Variants in OTOF observed in about 807,000 individuals in gnomAD.
OTOF encodes the protein otoferlin.
A neutral mutation model predicts 236.8 loss-of-function variants in OTOF; 218 were observed. That is an observed-to-expected ratio of 0.92 (90% CI 0.82 to 1.03). The LOEUF (loss-of-function observed/expected upper bound fraction) is 1.03, where lower values mean the gene tolerates loss of function less well. Among genes scored for constraint, OTOF ranks in the 50% least tolerant of loss-of-function variants. OTOF has a pLI of 0.00. For synonymous variants in OTOF, 1,041 were observed against 1,072.5 expected (o/e 0.97, Z 0.57); for missense variants, 2,590 against 2,694.4 (o/e 0.96, Z 0.86).
Position 26,463,495 on chromosome 2 carries a change from C to G in OTOF, c.5180G>C (p.Arg1727Pro), listed in dbSNP as rs775472304. 1.2e-6 allele frequency: 2 copies of G among 1,604,626 alleles called. No homozygotes were observed. The highest frequency in any genetic ancestry group is 4.5e-5 in the East Asian group (2 of 44,528). Residue 1727 changes from arginine to proline, a missense_variant, in exon 41 of 47, where the codon CGG becomes CCG. By Grantham distance (103) the Arg-to-Pro change is moderately radical. This residue lies in a region of OTOF where 1,211 missense variants were observed against 1,352.8 expected (regional missense o/e 0.90). Transcript: ENST00000272371. The part of the protein sequence containing the change: ...APGTPLDISP[R>P]KPKKYELRVI... ...CCAGGCCGCTCACTTCTTGGGCTTC[C>G]GAGGTGAGATGTCCAGAGGCGTCCC... is the stretch of plus-strand genomic sequence containing the variant.
chr2:26,546,760 T>TA (rs961431471), intron 1 of OTOF, among the ~76,000 whole-genome samples: 21 of 151,970 alleles, frequency 1.4e-4, no homozygotes, highest in Non-Finnish European at 2.8e-4. Context: ...TTTTTTTTTT[T>TA]TTTATTTCTC....
chr2:26,458,115 C>T lies in OTOF; in HGVS notation c.*123G>A, dbSNP rs755501370. ...AGAGCCCCAACATGAGCAGCCCCAA[C>T]AGCGCCAGCACGATCTTGATGATGA... On this transcript the variant is annotated 3_prime_UTR_variant, in exon 47 of 47. Transcript: ENST00000272371. 8 of 1,614,176 alleles carry T rather than the reference C, an allele frequency of 5.0e-6. No individual in the cohort carries two copies. The highest frequency in any genetic ancestry group is 1.1e-5 in the South Asian group (1 of 91,084).
chr2:26,489,653 C>G, intron 10 of OTOF, 25 bp downstream of exon 10: 1 of 1,599,692 alleles, frequency 6.3e-7, no homozygotes, highest in Non-Finnish European at 8.6e-7. Flanking sequence ...GTGGCCCTGC[C>G]GGCCAGGGGC....
chr2:26,458,884 G>T (rs1424962533), intron 46 of OTOF, among the ~76,000 whole-genome samples: 2 of 152,390 alleles, frequency 1.3e-5, no homozygotes, highest in African/African-American at 4.8e-5. Context: ...GTATTGGTGG[G>T]GACACAGAGC....
Position 26,477,073 on chromosome 2 carries a change from G to T in OTOF, c.2524-30C>A. The T allele has an allele frequency of 1.3e-6, 2 of 1,517,014 alleles. No individual in the cohort carries two copies. Among genetic ancestry groups the T allele is most frequent in the South Asian group, 2.4e-5 (2 of 84,748 alleles). The allele number at this position is 1,517,014 out of a possible 1,614,324, so 94.0% of individuals were successfully genotyped here. ...GGGTTGGGGGGTGGCCAGGGGCAGTGGGTAAGGGGGTCTAGCCTCCTGATT... is the reference window on the plus strand; with the variant it reads ...GGGTTGGGGGGTGGCCAGGGGCAGTTGGTAAGGGGGTCTAGCCTCCTGATT... On this transcript the variant is annotated intron_variant, in intron 21 of 46. Coordinates refer to ENST00000272371, the MANE Select transcript of OTOF (RefSeq NM_194248.3). The surrounding 1 kb of genome is among the most constrained non-coding windows in gnomAD (Gnocchi z 4.7).
chr2:26,522,404 C>G (rs1285509196), intron 3 of OTOF, among the ~76,000 whole-genome samples: 1 of 152,182 alleles, frequency 6.6e-6, no homozygotes, highest in Non-Finnish European at 1.5e-5. Context: ...GATGCCATCC[C>G]TCAGCCCGTC....
chr2:26,549,652 A>G (rs1159751654), intron 1 of OTOF, among the ~76,000 whole-genome samples: 2 of 152,216 alleles, frequency 1.3e-5, no homozygotes, highest in African/African-American at 4.8e-5. Flanking sequence ...CACCCTGCTA[A>G]CATCCAGGTT....
intron 11 of OTOF, 139 bp from the exon 12 acceptor site, chr2:26,484,772 C>T (rs980937186): frequency 1.2e-6 from 1 of 807,474 alleles, no homozygotes; most frequent in African/African-American, 1.7e-5. Flanking sequence ...ACAGCTCTGC[C>T]TGTCCCTAGC....
At position 26,470,443 on chromosome 2, in the gene OTOF, A is replaced by G; in HGVS notation, c.4023+150T>C. 1 of 796,576 alleles carries G rather than the reference A, an allele frequency of 1.3e-6. No individual in the cohort carries two copies. Among genetic ancestry groups the G allele is most frequent in the East Asian group, 2.5e-5 (1 of 40,592 alleles). The allele number at this position is 796,576 out of a possible 1,614,324, so 49.3% of individuals were successfully genotyped here. On this transcript the variant is annotated intron_variant, in intron 32 of 46. Coordinates refer to ENST00000272371, the MANE Select transcript of OTOF (RefSeq NM_194248.3). The surrounding 1 kb of genome is among the most constrained non-coding windows in gnomAD (Gnocchi z 4.3). Reference sequence around the variant, plus strand: ...CCATCATCTTGGAAGGTGAGTTCTGAGCTAGGATTTCAAGGATGTGAGACA... The same window carrying G: ...CCATCATCTTGGAAGGTGAGTTCTGGGCTAGGATTTCAAGGATGTGAGACA...
intron 3 of OTOF, among the ~76,000 whole-genome samples, chr2:26,525,439 C>A (rs1242558042): frequency 3.9e-5 from 6 of 152,216 alleles, no homozygotes; most frequent in South Asian, 2.1e-4. Flanking sequence ...TACTGGCTAT[C>A]TTTCAGTTGT....
In OTOF at chr2:26,477,048, G is replaced by C. The variant is rs760209635; in HGVS notation, c.2524-5C>G. 1.9e-6 allele frequency: 3 copies of C among 1,560,484 alleles called. No homozygotes were observed. The Admixed American group carries it at 5.6e-5, about 29-fold the overall frequency. ...GTCGGGAATGCTGTGCTGGGGCTGG[G>C]GGTTGGGGGGTGGCCAGGGGCAGTG... On this transcript the variant is annotated splice_polypyrimidine_tract_variant and splice_region_variant and intron_variant, in intron 21 of 46. Coordinates refer to ENST00000272371, the MANE Select transcript of OTOF (RefSeq NM_194248.3). This position sits in a 1 kb window ranked among gnomAD's most constrained non-coding sequence, Gnocchi z 4.7.
chr2:26,558,412 G>T (rs1217776480), intron 1 of OTOF, 81 bp downstream of exon 1: 5 of 1,274,024 alleles, frequency 3.9e-6, no homozygotes, highest in Admixed American at 3.4e-5. Flanking sequence ...TCCCAGCCCT[G>T]TCCTATCCCC....
intron 2 of OTOF, among the ~76,000 whole-genome samples, chr2:26,531,666 C>T (rs1256923540): frequency 3.3e-5 from 5 of 152,148 alleles, no homozygotes; most frequent in Non-Finnish European, 7.3e-5. Flanking sequence ...ATTGTCTCCT[C>T]ATTTTTGTGG....
chr2:26,463,318 T>C (rs1664570517), intron 41 of OTOF, among the ~76,000 whole-genome samples, 165 bp downstream of exon 41: 1 of 152,210 alleles, frequency 6.6e-6, no homozygotes, highest in African/African-American at 2.4e-5. Context: ...ATCGATTGGT[T>C]GGTCAGTTTC....
At chr2:26,547,711 G>A (rs1029469362) in intron 1 of OTOF, among the ~76,000 whole-genome samples, 3 of 152,030 alleles carry the variant, frequency 2.0e-5, no homozygotes, top group Non-Finnish European at 2.9e-5. Flanking sequence ...TGGCACCTGC[G>A]TGTAGTCTCA....
In OTOF at chr2:26,479,494, A is replaced by G. The variant is rs750510134; in HGVS notation, c.2072T>C (p.Met691Thr). ...DLASVSSTPP[M>T]RPQVTDRNYF... Reference sequence around the variant, plus strand: ...CCACCTGTCGGTGACCTGGGGCCGCATTGGTGGAGTGGAGGAGACTGAGGC... The same window carrying G: ...CCACCTGTCGGTGACCTGGGGCCGCGTTGGTGGAGTGGAGGAGACTGAGGC... Residue 691 changes from methionine to threonine, a missense_variant, in exon 17 of 47, where the codon ATG becomes ACG. Around this residue, in one of 2 missense-constraint regions of OTOF, gnomAD observed 1,379 missense variants for 1,341.6 expected, o/e 1.03. Transcript: ENST00000272371. The G allele has an allele frequency of 2.5e-6, 4 of 1,602,562 alleles. No individual in the cohort carries two copies. Among genetic ancestry groups the G allele is most frequent in the Non-Finnish European group, 3.4e-6 (4 of 1,175,504 alleles).
intron 2 of OTOF, among the ~76,000 whole-genome samples, chr2:26,529,082 G>A (rs964526059): frequency 5.9e-5 from 9 of 152,172 alleles, no homozygotes; most frequent in African/African-American, 1.7e-4. Context: ...GGGAGGATGT[G>A]GAGGGCCTCA....
intron 13 of OTOF, among the ~76,000 whole-genome samples, chr2:26,482,920 TGA>T (rs1385078488): frequency 2.0e-5 from 3 of 148,342 alleles, no homozygotes; most frequent in African/African-American, 7.5e-5. Flanking sequence ...TGTGTGCGTG[TGA>T]GTGGGTGCAT....
chr2:26,551,541 C>T (rs977166476), intron 1 of OTOF, among the ~76,000 whole-genome samples: 3 of 152,190 alleles, frequency 2.0e-5, no homozygotes, highest in Non-Finnish European at 4.4e-5. Flanking sequence ...CATGAGCTGC[C>T]TGGGCACCTG....
Sources: allele counts gnomAD v4.1 joint callset (sites outside exome capture counted in the v4.1 genomes callset), GRCh38; gene constraint gnomAD v4.1.1; regional missense constraint gnomAD v4.1.1; non-coding constraint Gnocchi (gnomAD v3.1); transcripts MANE v1.5; gene names NCBI Gene and HGNC (gene_info 2026-07-23, HGNC 2026-07-21).